Variants in TYW3 observed in about 807,000 individuals in gnomAD.
The protein encoded by TYW3 is tRNA-yW synthesizing protein 3 homolog, also known as tRNA wybutosine-synthesizing protein 3 homolog.
Under a neutral mutation model 23.1 loss-of-function variants are expected in TYW3, and 26 were observed. The ratio of observed to expected loss-of-function variants is 1.13; its 90% CI spans 0.83 to 1.56. The LOEUF (loss-of-function observed/expected upper bound fraction) is 1.56, where lower values mean the gene tolerates loss of function less well. Ranked by LOEUF, TYW3 falls within the 40% of genes most tolerant of loss-of-function variation. TYW3 has a pLI of 0.00. For missense variants in TYW3, 316 were observed against 311.9 expected (o/e 1.01, Z -0.10); for synonymous variants, 102 against 105.7 (o/e 0.97, Z 0.21).
At chr1:74,757,607 T>C (rs1386695376) in intron 5 of TYW3, among the ~76,000 whole-genome samples, 1 of 152,256 alleles carries the variant, frequency 6.6e-6, no homozygotes, top group Non-Finnish European at 1.5e-5. Flanking sequence ...TACAGGCTGA[T>C]AGGCAGAAGG....
At chr1:74,746,080 T>C (rs1488069463) in intron 3 of TYW3, among the ~76,000 whole-genome samples, 1 of 152,248 alleles carries the variant, frequency 6.6e-6, no homozygotes, top group African/African-American at 2.4e-5. Flanking sequence ...GTAGACACAA[T>C]TCAGTCCGTA....
At chr1:74,748,598 A>AT in intron 3 of TYW3, 153 bp from the exon 4 acceptor site, 1 of 645,372 alleles carries the variant, frequency 1.5e-6, no homozygotes, top group Non-Finnish European at 2.7e-6. Context: ...GATCAAAGTC[A>AT]TTTTTAAGCA....
intron 5 of TYW3, among the ~76,000 whole-genome samples, chr1:74,759,775 T>G (rs557907279): frequency 6.6e-6 from 1 of 152,280 alleles, no homozygotes; most frequent in African/African-American, 2.4e-5. Flanking sequence ...CCCGAGTAGC[T>G]GTTACTACAG....
At chr1:74,738,183 CACTG>C (rs1205041623) in intron 2 of TYW3, among the ~76,000 whole-genome samples, 4 of 152,044 alleles carry the variant, frequency 2.6e-5, no homozygotes, top group Admixed American at 1.3e-4. Flanking sequence ...AACAGGAACT[CACTG>C]GCTGTGCTCT....
chr1:74,760,560 T>C (rs1303188385), intron 5 of TYW3, among the ~76,000 whole-genome samples: 1 of 152,154 alleles, frequency 6.6e-6, no homozygotes, highest in African/African-American at 2.4e-5. Flanking sequence ...CATTTTGTGA[T>C]TTCAGTTAGA....
In TYW3 at chr1:74,766,032, C is replaced by T. The variant is rs936753347; in HGVS notation, c.*1919C>T. 76 of 151,990 alleles carry T rather than the reference C, an allele frequency of 5.0e-4. 6 individuals are homozygous for T. Among genetic ancestry groups the T allele is most frequent in the Non-Finnish European group, 4.4e-5 (3 of 68,006 alleles). The allele number at this position is 151,990 out of a possible 1,614,324, so 9.4% of individuals were successfully genotyped here. A position where few individuals can be genotyped will look rare whatever the true frequency, so the allele number is the denominator to read the frequency against. The stretch of plus-strand genomic sequence containing the variant: ...TTAATCATCAATGATGGACCATATA[C>T]CATATACGATATGGTGGCCCCATAA... On this transcript the variant is annotated 3_prime_UTR_variant, in exon 6 of 6. Coordinates refer to ENST00000370867, the MANE Select transcript of TYW3 (RefSeq NM_138467.3).
chr1:74,766,144 ACAGT>A lies in TYW3; in HGVS notation c.*2034_*2037del, dbSNP rs1649299311. ...CAACACATTACCCACGTTTGTGGTGACAGTCATATAAAAGTATGGTACATATAAT... is the reference window on the plus strand; with the variant it reads ...CAACACATTACCCACGTTTGTGGTGACATATAAAAGTATGGTACATATAAT... On this transcript the variant is annotated 3_prime_UTR_variant, in exon 6 of 6. Transcript: ENST00000370867. The A allele has an allele frequency of 6.6e-6, 1 of 152,064 alleles. No homozygotes were observed. The highest frequency in any genetic ancestry group is 1.5e-5 in the Non-Finnish European group (1 of 67,974). The allele number at this position is 152,064 out of a possible 1,614,324, so 9.4% of individuals were successfully genotyped here. A position where few individuals can be genotyped will look rare whatever the true frequency, so the allele number is the denominator to read the frequency against.
At position 74,733,328 on chromosome 1, in the gene TYW3, G is replaced by C. The variant is rs747758023; in HGVS notation, c.84G>C (p.Glu28Asp). 6.2e-7 allele frequency: 1 copy of C among 1,614,212 alleles called. No individual in the cohort carries two copies. Among genetic ancestry groups the C allele is most frequent in the Non-Finnish European group, 8.5e-7 (1 of 1,180,032 alleles). The stretch of plus-strand genomic sequence containing the variant: ...TCAGCCGGAAGGGCAGTGTTGACGA[G>C]GATGTGGTAGAGCTTGTGCAGTTTC... Reference protein sequence around the residue: ...ADLSRKGSVDEDVVELVQFLN... With the variant: ...ADLSRKGSVDDDVVELVQFLN... Residue 28 changes from glutamate to aspartate, a missense_variant, in exon 1 of 6, where the codon GAG (glutamate) becomes GAC (aspartate). Glu to Asp is a conservative substitution (Grantham distance 45). Transcript: ENST00000370867.
At chr1:74,745,305 C>T (rs28801184) in intron 3 of TYW3, among the ~76,000 whole-genome samples, 3,073 of 152,270 alleles carry the variant, frequency 0.02, 90 homozygotes, top group African/African-American at 0.07. Flanking sequence ...ACTGCTGGCT[C>T]GAGTGGCCAG....
chr1:74,738,408 C>A (rs191451251), intron 2 of TYW3, among the ~76,000 whole-genome samples: 312 of 152,132 alleles, frequency 2.1e-3, no homozygotes, highest in Non-Finnish European at 4.0e-3. Context: ...ATGAAAAATC[C>A]GTTATGGAAT....
chr1:74,744,738 G>A (rs1648495744), intron 3 of TYW3, among the ~76,000 whole-genome samples: 1 of 152,208 alleles, frequency 6.6e-6, no homozygotes, highest in Admixed American at 6.5e-5. Context: ...CACTCATGGT[G>A]AGTGTTACAG....
At chr1:74,745,735 A>G (rs1648545297) in intron 3 of TYW3, among the ~76,000 whole-genome samples, 1 of 152,192 alleles carries the variant, frequency 6.6e-6, no homozygotes, top group Non-Finnish European at 1.5e-5. Flanking sequence ...TGACATAACA[A>G]TATAACACAG....
At chr1:74,756,861 G>T (rs1648971509) in intron 5 of TYW3, among the ~76,000 whole-genome samples, 1 of 152,232 alleles carries the variant, frequency 6.6e-6, no homozygotes, top group African/African-American at 2.4e-5. Flanking sequence ...TGGGCCCAAG[G>T]TCCCTGTGCT....
intron 5 of TYW3, among the ~76,000 whole-genome samples, chr1:74,762,728 C>T (rs1240860502): frequency 1.3e-5 from 2 of 152,066 alleles, no homozygotes; most frequent in Admixed American, 1.3e-4. Context: ...TGTGAAAAAT[C>T]AAGACTGTGG....
In TYW3 at chr1:74,738,707, A is replaced by G. The variant is rs760659488; in HGVS notation, c.273A>G (p.Lys91=). ...VKDDVIVALK[K]ANGDATLKFE... ...TTATTTAGATTGTAGCTCTGAAGAA[A>G]GCAAATGGTGATGCCACTTTGAAAT... is the stretch of plus-strand genomic sequence containing the variant. The change falls in exon 3 of 6, where the codon AAA becomes AAG. Residue 91 remains lysine, a synonymous_variant. Coordinates refer to ENST00000370867, the MANE Select transcript of TYW3 (RefSeq NM_138467.3). 8 of 1,607,918 alleles carry G rather than the reference A, an allele frequency of 5.0e-6. No individual in the cohort carries two copies. The highest frequency in any genetic ancestry group is 6.8e-6 in the Non-Finnish European group (8 of 1,175,392).
intron 3 of TYW3, among the ~76,000 whole-genome samples, chr1:74,748,113 A>G (rs1648651434): frequency 6.8e-6 from 1 of 147,634 alleles, no homozygotes; most frequent in South Asian, 2.2e-4. Flanking sequence ...TATTTGCTAG[A>G]GATCTCCCTT....
At chr1:74,757,493 G>A (rs775722408) in intron 5 of TYW3, among the ~76,000 whole-genome samples, 3 of 152,192 alleles carry the variant, frequency 2.0e-5, no homozygotes, top group South Asian at 2.1e-4. Flanking sequence ...CATGGGGCCT[G>A]TAGCCCTTTT....
rs918383517 is a variant in TYW3, at chr1:74,764,249, T to C, written c.*136T>C. ...ATGACAAGTGCAGAGCTTCAAACTA[T>C]AACTTTGTTGCCCAGAGGATGTGCA... On this transcript the variant is annotated 3_prime_UTR_variant, in exon 6 of 6. Transcript: ENST00000370867. 25 of 732,108 alleles carry C rather than the reference T, an allele frequency of 3.4e-5. No homozygotes were observed. The African/African-American group carries it at 4.3e-4, about 13-fold the overall frequency. 45.4% of individuals were successfully genotyped at this position (732,108 alleles called of 1,614,324 possible).
At chr1:74,762,576 G>A (rs1291883253) in intron 5 of TYW3, among the ~76,000 whole-genome samples, 1 of 152,142 alleles carries the variant, frequency 6.6e-6, no homozygotes, top group Non-Finnish European at 1.5e-5. Context: ...GAGACAGGTA[G>A]ATAGGATCCT....
Sources: allele counts gnomAD v4.1 joint callset (sites outside exome capture counted in the v4.1 genomes callset), GRCh38; gene constraint gnomAD v4.1.1; transcripts MANE v1.5; gene names NCBI Gene and HGNC (gene_info 2026-07-23, HGNC 2026-07-21).